Variants in PPP2R5C observed in about 807,000 individuals in gnomAD.
PPP2R5C encodes the protein serine/threonine-protein phosphatase 2A 56 kDa regulatory subunit gamma isoform.
In PPP2R5C, 7 loss-of-function variants were observed where a neutral mutation model predicts 68.9. The observed-to-expected ratio is 0.10, with a 90% CI of 0.06 to 0.19. PPP2R5C has a LOEUF of 0.19. Ranked by LOEUF, PPP2R5C falls within the 10% of genes least tolerant of loss-of-function variation. PPP2R5C has a pLI of 1.00. For synonymous variants in PPP2R5C, 210 were observed against 222.2 expected, an observed-to-expected ratio of 0.95 and a Z score of 0.49; for missense variants, 348 against 641.3, an observed-to-expected ratio of 0.54 and a Z score of 4.94.
At chr14:101,881,609 T>C (rs1172138106) in intron 2 of PPP2R5C, among the ~76,000 whole-genome samples, 2 of 152,116 alleles carry the variant, frequency 1.3e-5, no homozygotes, top group Non-Finnish European at 2.9e-5. Flanking sequence ...GAGCAGTCCT[T>C]TCTCTGGAAA....
intron 13 of PPP2R5C, among the ~76,000 whole-genome samples, chr14:101,919,969 C>CAA (rs34641396): frequency 0.064 from 3,263 of 50,726 alleles, 95 homozygotes; most frequent in Non-Finnish European, 0.074. Flanking sequence ...AACTCCGTCT[C>CAA]AAAAAAAAAA....
chr14:101,831,453 T>A (rs2040735162), intron 1 of PPP2R5C, among the ~76,000 whole-genome samples: 1 of 152,250 alleles, frequency 6.6e-6, no homozygotes, highest in Admixed American at 6.5e-5. Context: ...TCAGAAATTT[T>A]TTTTACGCTA....
chr14:101,780,255 G>A (rs1361659247), intron 2 of PPP2R5C, among the ~76,000 whole-genome samples: 1 of 152,030 alleles, frequency 6.6e-6, no homozygotes, highest in Non-Finnish European at 1.5e-5. Flanking sequence ...CATTTGGTTG[G>A]TTTGGGTCCT....
intron 2 of PPP2R5C, among the ~76,000 whole-genome samples, chr14:101,769,513 T>C (rs2037040744): frequency 6.6e-6 from 1 of 152,234 alleles, no homozygotes; most frequent in Admixed American, 6.5e-5. Context: ...AAAAACTTGT[T>C]TATTAAGAGG....
intron 5 of PPP2R5C, among the ~76,000 whole-genome samples, chr14:101,885,771 G>C (rs556203410): frequency 1.2e-4 from 19 of 152,148 alleles, no homozygotes; most frequent in African/African-American, 4.6e-4. Flanking sequence ...TATGTTTCTT[G>C]GTATCATGAT....
chr14:101,853,968 T>C (rs1322973925), intron 1 of PPP2R5C, among the ~76,000 whole-genome samples: 1 of 152,108 alleles, frequency 6.6e-6, no homozygotes, highest in Non-Finnish European at 1.5e-5. Flanking sequence ...CACGAGCTCA[T>C]TTAAGGTAAT....
At chr14:101,848,308 G>A (rs971116973) in intron 1 of PPP2R5C, among the ~76,000 whole-genome samples, 9 of 152,030 alleles carry the variant, frequency 5.9e-5, no homozygotes, top group Admixed American at 1.3e-4. Flanking sequence ...CAAGGCAGGC[G>A]GATCACAAGG....
At chr14:101,782,388 C>G (rs1353521341) in intron 2 of PPP2R5C, among the ~76,000 whole-genome samples, 1 of 5,084 alleles carries the variant, frequency 2.0e-4, no homozygotes, top group Non-Finnish European at 3.7e-4. Context: ...TCTCTCCCCT[C>G]TGGCTCTTTC....
intron 2 of PPP2R5C, chr14:101,765,850 G>C (rs1378102108): frequency 6.7e-6 from 1 of 149,596 alleles, no homozygotes; most frequent in East Asian, 2.0e-4. Flanking sequence ...GCATCCCAAA[G>C]TGCTGGGATT....
At chr14:101,817,982 G>C (rs1019231586) in intron 1 of PPP2R5C, 1 of 152,058 alleles carries the variant, frequency 6.6e-6, no homozygotes, top group African/African-American at 2.4e-5. Flanking sequence ...ATCTGTATTT[G>C]TTCATCTCAA....
At chr14:101,843,815 G>T in intron 1 of PPP2R5C, 1 of 221,720 alleles carries the variant, frequency 4.5e-6, no homozygotes, top group Non-Finnish European at 9.3e-6. Flanking sequence ...CAGATATTCT[G>T]AAGAGTTTCA....
chr14:101,808,447 G>A (rs1212733102), upstream of PPP2R5C, among the ~76,000 whole-genome samples: 1 of 152,112 alleles, frequency 6.6e-6, no homozygotes, highest in Non-Finnish European at 1.5e-5. Context: ...GGGGAAAGAG[G>A]GGGAAGGGTG....
At chr14:101,849,092 T>G (rs2042005532) in intron 1 of PPP2R5C, among the ~76,000 whole-genome samples, 1 of 152,224 alleles carries the variant, frequency 6.6e-6, no homozygotes, top group Admixed American at 6.5e-5. Context: ...ATAGCTGTAT[T>G]TCATTCATCT....
chr14:101,790,859 T>C (rs1488091787), intron 3 of PPP2R5C, among the ~76,000 whole-genome samples: 2 of 152,156 alleles, frequency 1.3e-5, no homozygotes, highest in Admixed American at 1.3e-4. Flanking sequence ...GGCGGGCGGA[T>C]CATGAGGTCA....
chr14:101,912,352 C>T (rs2046443695), intron 11 of PPP2R5C, 49 bp from the exon 14 acceptor site: 1 of 1,497,998 alleles, frequency 6.7e-7, no homozygotes. Flanking sequence ...TCAGTGTGTT[C>T]TTGTGTCTGA....
intron 1 of PPP2R5C, among the ~76,000 whole-genome samples, chr14:101,838,322 G>A (rs1401742328): frequency 6.6e-6 from 1 of 152,184 alleles, no homozygotes; most frequent in Non-Finnish European, 1.5e-5. Flanking sequence ...GTGAATGCAA[G>A]CGTCTTGTGA....
intron 8 of PPP2R5C, among the ~76,000 whole-genome samples, chr14:101,895,592 T>C (rs1454874526): frequency 6.6e-6 from 1 of 152,216 alleles, no homozygotes; most frequent in Non-Finnish European, 1.5e-5. Flanking sequence ...ACCTGGCTTA[T>C]TTCACTCAGC....
rs1163436692 is a variant in PPP2R5C, at chr14:101,821,101, A to T, written c.94+11065A>T. 4.7e-5 allele frequency: 6 copies of T among 128,460 alleles called. 1 individual carries two copies. The East Asian group carries it at 1.2e-3, about 26-fold the overall frequency. The allele number at this position is 128,460 out of a possible 1,614,324, so 8.0% of individuals were successfully genotyped here. A position where few individuals can be genotyped will look rare whatever the true frequency, so the allele number is the denominator to read the frequency against. On this transcript the variant is annotated intron_variant, in intron 1 of 13. Transcript: ENST00000334743. ...TTTCTCTAAAAAAAAAAATAAAATA[A>T]AAATAAAAATAAAAAAAAATTAAGT...
chr14:101,799,233 T>C (rs980817018), intron 3 of PPP2R5C, among the ~76,000 whole-genome samples: 2 of 152,082 alleles, frequency 1.3e-5, no homozygotes, highest in African/African-American at 4.8e-5. Context: ...GCTGAAGGGA[T>C]CTTTCTGTTG....
Sources: gnomAD v4.1 joint callset for allele counts (sites outside exome capture counted in the v4.1 genomes callset) on GRCh38, gnomAD v4.1.1 for gene constraint, MANE v1.5 for transcripts, NCBI Gene and HGNC (gene_info 2026-07-23, HGNC 2026-07-21) for gene names.